Variants in MECOM observed in about 807,000 individuals in gnomAD.
MECOM encodes the protein MDS1 and EVI1 complex locus.
In MECOM, 13 loss-of-function variants were observed where a neutral mutation model predicts 116.3. The ratio of observed to expected loss-of-function variants is 0.11; its 90% CI spans 0.07 to 0.18. The LOEUF (loss-of-function observed/expected upper bound fraction) is 0.18, where lower values mean the gene tolerates loss of function less well. MECOM is among the 10% of genes least tolerant of loss of function. MECOM has a pLI of 1.00. For synonymous variants in MECOM, 528 were observed against 535.2 expected (o/e 0.99, Z 0.19); for missense variants, 1,299 against 1,509.0 (o/e 0.86, Z 2.31).
chr3:169,504,350 T>C (rs1754944549), intron 1 of MECOM, among the ~76,000 whole-genome samples: 1 of 152,078 alleles, frequency 6.6e-6, no homozygotes, highest in South Asian at 2.1e-4. Context: ...CCAAGACTTA[T>C]ACCAGTAAAG....
chr3:169,559,344 A>G (rs904034752), intron 1 of MECOM, among the ~76,000 whole-genome samples: 1 of 152,232 alleles, frequency 6.6e-6, no homozygotes, highest in Non-Finnish European at 1.5e-5. Flanking sequence ...ATTAAAAATT[A>G]TCATGAGCAT....
At position 169,121,156 on chromosome 3, in the gene MECOM, A is replaced by G. The variant is rs1296556624; in HGVS notation, c.1032T>C (p.Gly344=). The change falls in exon 7 of 17, where the codon GGT becomes GGC. Residue 344 remains glycine (G), a synonymous_variant. Coordinates refer to ENST00000651503, the MANE Select transcript of MECOM (RefSeq NM_004991.4). ...LQRHIRSQHV[G]ARAHACPECG... ...ACTCCGGGCATGCATGGGCCCGGGCACCGACATGCTGAGAGCGAATGTGCC... is the reference window on the plus strand; with the variant it reads ...ACTCCGGGCATGCATGGGCCCGGGCGCCGACATGCTGAGAGCGAATGTGCC... The G allele has an allele frequency of 6.2e-6, 10 of 1,613,522 alleles. No homozygotes were observed. Among genetic ancestry groups the G allele is most frequent in the Non-Finnish European group, 7.6e-6 (9 of 1,179,786 alleles).
chr3:169,313,302 C>T (rs1719141225), intron 2 of MECOM, among the ~76,000 whole-genome samples: 2 of 136,200 alleles, frequency 1.5e-5, no homozygotes, highest in Non-Finnish European at 3.0e-5. Flanking sequence ...GTGTAAATTG[C>T]AGTGTTTTGC....
chr3:169,269,857 A>C (rs763992240), intron 2 of MECOM, among the ~76,000 whole-genome samples: 36 of 152,282 alleles, frequency 2.4e-4, no homozygotes, highest in Non-Finnish European at 2.1e-4. Flanking sequence ...ATTTTATTCA[A>C]ACTTTAAAAG....
intron 2 of MECOM, among the ~76,000 whole-genome samples, chr3:169,271,483 A>G (rs1577539676): frequency 6.6e-6 from 1 of 152,198 alleles, no homozygotes; most frequent in East Asian, 1.9e-4. Context: ...AATAACCAAA[A>G]AAGACTTTCC....
chr3:169,609,784 A>C (rs866724642), intron 1 of MECOM, among the ~76,000 whole-genome samples: 2 of 152,208 alleles, frequency 1.3e-5, no homozygotes, highest in Non-Finnish European at 2.9e-5. Context: ...AGTATAATTA[A>C]AATTTCATTA....
chr3:169,136,476 T>C (rs2149244175), intron 3 of MECOM, among the ~76,000 whole-genome samples: 1 of 151,842 alleles, frequency 6.6e-6, no homozygotes, highest in Non-Finnish European at 1.5e-5. Context: ...TAATCATATA[T>C]CATTATTCAT....
intron 1 of MECOM, among the ~76,000 whole-genome samples, chr3:169,516,621 T>C (rs909314906): frequency 6.6e-6 from 1 of 152,170 alleles, no homozygotes; most frequent in Non-Finnish European, 1.5e-5. Flanking sequence ...CTCAGTACCA[T>C]GACCACATGT....
intron 2 of MECOM, among the ~76,000 whole-genome samples, chr3:169,202,399 A>G (rs901966399): frequency 1.2e-4 from 18 of 152,116 alleles, no homozygotes; most frequent in African/African-American, 4.3e-4. Flanking sequence ...TAGGTGTCAC[A>G]CAGTATTCTT....
intron 2 of MECOM, among the ~76,000 whole-genome samples, chr3:169,191,538 G>C (rs1188411416): frequency 6.6e-6 from 1 of 151,330 alleles, no homozygotes; most frequent in East Asian, 1.9e-4. Context: ...GTTGTTTTTG[G>C]TAGAGGGAGG....
intron 1 of MECOM, among the ~76,000 whole-genome samples, chr3:169,513,390 C>T (rs1450615819): frequency 6.6e-6 from 1 of 152,204 alleles, no homozygotes; most frequent in Non-Finnish European, 1.5e-5. Context: ...GAACTAAAAT[C>T]CCTGGGTGTT....
chr3:169,092,471 A>G (rs2041878), intron 14 of MECOM, among the ~76,000 whole-genome samples: 39,181 of 151,798 alleles, frequency 0.26, 5,261 homozygotes, highest in Non-Finnish European at 0.29. Context: ...ATACAGGTAT[A>G]TAGAATCATA....
intron 2 of MECOM, among the ~76,000 whole-genome samples, chr3:169,284,045 C>G (rs1477830685): frequency 6.6e-6 from 1 of 152,160 alleles, no homozygotes; most frequent in Non-Finnish European, 1.5e-5. Flanking sequence ...AAGAGTGTCC[C>G]ATTCGAAATA....
chr3:169,119,924 A>T (rs1243688854), intron 7 of MECOM, among the ~76,000 whole-genome samples: 2 of 152,196 alleles, frequency 1.3e-5, no homozygotes, highest in Non-Finnish European at 2.9e-5. Context: ...TAAGCTGGAA[A>T]AGGAAAGAAA....
At chr3:169,428,825 C>T (rs1467604396) in intron 1 of MECOM, among the ~76,000 whole-genome samples, 2 of 151,948 alleles carry the variant, frequency 1.3e-5, no homozygotes, top group African/African-American at 4.8e-5. Context: ...AGGTCAATGC[C>T]CTTGGTCTGG....
intron 2 of MECOM, chr3:169,144,874 A>C: frequency 1.4e-6 from 1 of 721,482 alleles, no homozygotes; most frequent in Non-Finnish European, 2.4e-6. Flanking sequence ...TAACTCCTAC[A>C]GATCTCTGCT....
intron 1 of MECOM, among the ~76,000 whole-genome samples, chr3:169,624,869 T>C (rs918609412): frequency 3.3e-4 from 50 of 152,250 alleles, no homozygotes; most frequent in African/African-American, 1.2e-3. Context: ...TGCTTTACTT[T>C]ACTAATGCGT....
intron 1 of MECOM, among the ~76,000 whole-genome samples, chr3:169,563,204 C>G (rs1762857319): frequency 6.6e-6 from 1 of 152,114 alleles, no homozygotes; most frequent in Non-Finnish European, 1.5e-5. Flanking sequence ...AAGTCAGAAT[C>G]CTATGGTAAT....
chr3:169,276,935 C>T (rs1759653283), intron 2 of MECOM, among the ~76,000 whole-genome samples: 2 of 151,946 alleles, frequency 1.3e-5, no homozygotes, highest in African/African-American at 2.4e-5. Flanking sequence ...TATTATAAGG[C>T]ACAACATATT....
Sources: gnomAD v4.1 joint callset for allele counts (sites outside exome capture counted in the v4.1 genomes callset) on GRCh38, gnomAD v4.1.1 for gene constraint, MANE v1.5 for transcripts, NCBI Gene and HGNC (gene_info 2026-07-23, HGNC 2026-07-21) for gene names.